The following INPP5A variants were observed in gnomAD, a reference collection of about 807,000 sequenced individuals.
INPP5A encodes inositol polyphosphate-5-phosphatase A.
INPP5A carries 14 observed loss-of-function variants against 65.2 expected under a neutral mutation model. The ratio of observed to expected loss-of-function variants is 0.21; its 90% CI spans 0.14 to 0.34. The LOEUF (loss-of-function observed/expected upper bound fraction) is 0.34. Ranked by LOEUF, INPP5A falls within the 10% of genes least tolerant of loss-of-function variation. INPP5A has a pLI of 1.00. For synonymous variants in INPP5A, 207 were observed against 208.3 expected, an observed-to-expected ratio of 0.99 and a Z score of 0.05; for missense variants, 431 against 545.6, an observed-to-expected ratio of 0.79 and a Z score of 2.09.
chr10:132,609,963 T>C (rs190503429), intron 2 of INPP5A, among the ~76,000 whole-genome samples: 9 of 152,262 alleles, frequency 5.9e-5, no homozygotes, highest in African/African-American at 1.9e-4. Context: ...TTTTTCTTGG[T>C]TTATTTTATT....
At chr10:132,559,775 G>A (rs2071177625) in intron 1 of INPP5A, among the ~76,000 whole-genome samples, 1 of 152,206 alleles carries the variant, frequency 6.6e-6, no homozygotes, top group Admixed American at 6.5e-5. Context: ...TACTTAGCAT[G>A]TGTGTTCCAG....
Position 132,642,832 on chromosome 10 carries a change from C to T in INPP5A, c.118-3036C>T, listed in dbSNP as rs116299313. 4.6e-3 allele frequency among the ~76,000 whole-genome samples: 701 copies of T among 152,310 alleles called. 3 individuals are homozygous for T. The highest frequency in any genetic ancestry group is 0.016 in the African/African-American group (662 of 41,548). On this transcript the variant is annotated intron_variant, in intron 2 of 15. Coordinates refer to ENST00000368594, the MANE Select transcript of INPP5A (RefSeq NM_005539.5). The stretch of plus-strand genomic sequence containing the variant: ...TGGGGATAAAGACCTGCCGATGAAG[C>T]GCAGTGGTAATTTTACATGTCATAA...
At position 132,676,205 on chromosome 10, in the gene INPP5A, C is replaced by T. The variant is rs78815085; in HGVS notation, c.307-14187C>T. On this transcript the variant is annotated intron_variant, in intron 4 of 15. Coordinates refer to ENST00000368594, the MANE Select transcript of INPP5A (RefSeq NM_005539.5). This position sits in a 1 kb window ranked among gnomAD's most constrained non-coding sequence, Gnocchi z 4.0. ...TATTCAAAAAATAGCATCTGCGTTG[C>T]AAATGAATCTCATTTTGAGAGGAAG... Among the ~76,000 whole-genome samples, 11,840 of 152,224 alleles carry T rather than the reference C, an allele frequency of 0.078. 635 individuals carry two copies. Among genetic ancestry groups the T allele is most frequent in the Non-Finnish European group, 0.11 (7,486 of 68,020 alleles).
chr10:132,699,433 T>C (rs1195374124), intron 6 of INPP5A, among the ~76,000 whole-genome samples: 1 of 152,036 alleles, frequency 6.6e-6, no homozygotes, highest in Non-Finnish European at 1.5e-5. Flanking sequence ...TGTGGGTGGC[T>C]GGGCTGGTCC....
At position 132,549,828 on chromosome 10, in the gene INPP5A, G is replaced by A. The variant is rs1440938574; in HGVS notation, c.75+11657G>A. Among the ~76,000 whole-genome samples the A allele has an allele frequency of 2.6e-5, 4 of 152,236 alleles. No individual in the cohort carries two copies. The highest frequency in any genetic ancestry group is 5.9e-5 in the Non-Finnish European group (4 of 68,046). On this transcript the variant is annotated intron_variant, in intron 1 of 15. Transcript: ENST00000368594. This position sits in a 1 kb window ranked among gnomAD's most constrained non-coding sequence, Gnocchi z 4.9. ...GTCTCTGTTACAGGATTGGTGTGAC[G>A]TCTGAGTCACTGTGCCTTAGAGTAC... is the stretch of plus-strand genomic sequence containing the variant.
At chr10:132,725,451 G>A (rs573970231) in intron 8 of INPP5A, among the ~76,000 whole-genome samples, 85 of 152,348 alleles carry the variant, frequency 5.6e-4, no homozygotes, top group African/African-American at 1.6e-3. Context: ...GCGGGGCAAC[G>A]CAGAACAAGA....
At chr10:132,745,120 CAG>C (rs916766758) in intron 9 of INPP5A, among the ~76,000 whole-genome samples, 5 of 152,190 alleles carry the variant, frequency 3.3e-5, no homozygotes, top group African/African-American at 9.6e-5. Flanking sequence ...CCTGGGGACA[CAG>C]GGTGACGTGG....
chr10:132,688,634 C>T (rs536385413), intron 4 of INPP5A, among the ~76,000 whole-genome samples: 17 of 150,570 alleles, frequency 1.1e-4, no homozygotes, highest in East Asian at 7.9e-4. Flanking sequence ...CAAGTGCGTG[C>T]GTGTGCATGA....
intron 12 of INPP5A, among the ~76,000 whole-genome samples, chr10:132,769,881 A>G (rs959725342): frequency 6.7e-6 from 1 of 149,936 alleles, no homozygotes; most frequent in Non-Finnish European, 1.5e-5. Context: ...CCCCAGTGGT[A>G]GCATGGAGCT....
intron 1 of INPP5A, among the ~76,000 whole-genome samples, chr10:132,553,733 C>A (rs1405288794): frequency 7.7e-5 from 10 of 130,046 alleles, no homozygotes; most frequent in Admixed American, 3.9e-4. Flanking sequence ...GATTGGTGAA[C>A]GCCTTCTCAG....
At chr10:132,548,507 G>A (rs575323453) in intron 1 of INPP5A, among the ~76,000 whole-genome samples, 4 of 152,316 alleles carry the variant, frequency 2.6e-5, no homozygotes, top group Non-Finnish European at 5.9e-5. Context: ...GATTTGAATA[G>A]CATGCAGTTC....
At chr10:132,763,573 A>G (rs561175759) in intron 11 of INPP5A, among the ~76,000 whole-genome samples, 10 of 152,262 alleles carry the variant, frequency 6.6e-5, no homozygotes, top group Admixed American at 2.0e-4. Context: ...GCAAACACAC[A>G]CATGCCTGTG....
intron 8 of INPP5A, among the ~76,000 whole-genome samples, chr10:132,711,451 CTCCG>C (rs1336033298): frequency 2.0e-5 from 3 of 150,718 alleles, no homozygotes; most frequent in African/African-American, 7.3e-5. Flanking sequence ...CAAGACAGTG[CTCCG>C]TCAGCTTGGG....
chr10:132,539,827 T>A (rs1207636854), intron 1 of INPP5A, among the ~76,000 whole-genome samples: 9 of 152,244 alleles, frequency 5.9e-5, no homozygotes, highest in Admixed American at 5.9e-4. Flanking sequence ...GTGAAGTGTT[T>A]GATGAAGCTC....
chr10:132,628,822 C>T (rs150493608), intron 2 of INPP5A, among the ~76,000 whole-genome samples: 146 of 152,178 alleles, frequency 9.6e-4, no homozygotes, highest in African/African-American at 3.3e-3. Context: ...GTGTAAAGTG[C>T]ATATGTCATT....
intron 4 of INPP5A, among the ~76,000 whole-genome samples, chr10:132,652,659 A>T (rs10781583): frequency 6.6e-6 from 1 of 152,138 alleles, no homozygotes; most frequent in East Asian, 1.9e-4. Context: ...CATGGGGACC[A>T]TCGCTCAGCT....
intron 9 of INPP5A, among the ~76,000 whole-genome samples, chr10:132,744,605 C>T (rs1333124650): frequency 6.6e-6 from 1 of 152,202 alleles, no homozygotes; most frequent in Non-Finnish European, 1.5e-5. Flanking sequence ...CTTAAGAACG[C>T]ACTAGAATCT....
At chr10:132,699,804 G>A (rs1424631134) in intron 6 of INPP5A, among the ~76,000 whole-genome samples, 1 of 152,094 alleles carries the variant, frequency 6.6e-6, no homozygotes, top group Admixed American at 6.5e-5. Context: ...TGCCACTCTG[G>A]CCAGCGGGAC....
intron 4 of INPP5A, among the ~76,000 whole-genome samples, chr10:132,660,715 G>T (rs947327859): frequency 6.6e-6 from 1 of 152,172 alleles, no homozygotes; most frequent in African/African-American, 2.4e-5. Flanking sequence ...AAATTTGAAT[G>T]TGATTAGGTA....
Sources: allele counts gnomAD v4.1 joint callset (sites outside exome capture counted in the v4.1 genomes callset), GRCh38; gene constraint gnomAD v4.1.1; non-coding constraint Gnocchi (gnomAD v3.1); transcripts MANE v1.5; gene names NCBI Gene and HGNC (gene_info 2026-07-23, HGNC 2026-07-21).